The following FTO variants were observed in gnomAD, a reference collection of about 807,000 sequenced individuals.
FTO encodes the protein FTO alpha-ketoglutarate dependent dioxygenase.
Under a neutral mutation model 63.9 loss-of-function variants are expected in FTO, and 47 were observed. The observed-to-expected ratio is 0.74, with a 90% confidence interval of 0.58 to 0.94. The LOEUF (loss-of-function observed/expected upper bound fraction) is 0.94, where lower values mean the gene tolerates loss of function less well. FTO is among the 40% of genes least tolerant of loss of function. FTO has a pLI of 0.00. For synonymous variants in FTO, 207 were observed against 224.4 expected (o/e 0.92, Z 0.69); for missense variants, 562 against 618.1 (o/e 0.91, Z 0.96).
chr16:53,712,949 T>G (rs527818858), intron 1 of FTO, among the ~76,000 whole-genome samples: 67 of 152,192 alleles, frequency 4.4e-4, no homozygotes, highest in Admixed American at 1.9e-3. Flanking sequence ...GATCATGTTT[T>G]TTTTTTTTTT....
intron 8 of FTO, among the ~76,000 whole-genome samples, chr16:54,086,031 A>G (rs2086248059): frequency 1.3e-5 from 2 of 152,212 alleles, no homozygotes; most frequent in Non-Finnish European, 2.9e-5. Flanking sequence ...CCTTTGCAAA[A>G]TAACAACAAC....
chr16:53,947,235 C>A (rs756194324), intron 8 of FTO, among the ~76,000 whole-genome samples: 1 of 152,184 alleles, frequency 6.6e-6, no homozygotes, highest in Non-Finnish European at 1.5e-5. Context: ...AGACAAGTAC[C>A]TTCTGCCAAT....
At chr16:54,000,023 G>T (rs2084032335) in intron 8 of FTO, 1 of 152,140 alleles carries the variant, frequency 6.6e-6, no homozygotes, top group Non-Finnish European at 1.5e-5. Context: ...AAAGGATCCA[G>T]CATGCAGCCT....
At chr16:53,750,336 C>T (rs1055137997) in intron 1 of FTO, among the ~76,000 whole-genome samples, 1 of 151,838 alleles carries the variant, frequency 6.6e-6, no homozygotes, top group Non-Finnish European at 1.5e-5. Context: ...CTCCCAGGTT[C>T]AAGCAATTCT....
chr16:53,760,232 G>C (rs1334881058), intron 1 of FTO, among the ~76,000 whole-genome samples: 1 of 16,850 alleles, frequency 5.9e-5, no homozygotes, highest in Non-Finnish European at 1.2e-4. Flanking sequence ...GTGTGTGTGT[G>C]TGTGTGTGTG....
chr16:53,943,054 A>G (rs1359861284), intron 8 of FTO, among the ~76,000 whole-genome samples: 1 of 152,154 alleles, frequency 6.6e-6, no homozygotes, highest in East Asian at 1.9e-4. Context: ...CTTCGCTTTT[A>G]ATAATTACAG....
At chr16:53,988,910 A>C (rs984079759) in intron 8 of FTO, among the ~76,000 whole-genome samples, 3 of 152,136 alleles carry the variant, frequency 2.0e-5, no homozygotes, top group East Asian at 3.9e-4. Flanking sequence ...AAAGAATCTT[A>C]AAATATGCTT....
intron 8 of FTO, among the ~76,000 whole-genome samples, chr16:54,048,126 T>TAAAAAAAAAAAAAAAAAAAAAAAA (rs71380060): frequency 1.8e-5 from 1 of 56,468 alleles, no homozygotes; most frequent in Non-Finnish European, 3.0e-5. Flanking sequence ...AAAAAAAAAT[T>TAAAAAAAAAAAAAAAAAAAAAAAA]AAAAAAAAAA....
intron 8 of FTO, among the ~76,000 whole-genome samples, chr16:53,939,480 A>G (rs138865053): frequency 4.1e-4 from 63 of 152,300 alleles, no homozygotes; most frequent in African/African-American, 1.4e-3. Flanking sequence ...ATATAACAAA[A>G]TTTATCGTTT....
intron 1 of FTO, among the ~76,000 whole-genome samples, chr16:53,716,756 C>A (rs1052032787): frequency 2.6e-5 from 4 of 151,192 alleles, no homozygotes; most frequent in African/African-American, 9.7e-5. Flanking sequence ...TTTCTGATTA[C>A]ATAATAATTT....
At chr16:53,973,812 A>C (rs546985798) in intron 8 of FTO, among the ~76,000 whole-genome samples, 2 of 152,348 alleles carry the variant, frequency 1.3e-5, no homozygotes, top group East Asian at 3.9e-4. Flanking sequence ...ATGGGCATAT[A>C]CATTTTTCAA....
intron 7 of FTO, among the ~76,000 whole-genome samples, chr16:53,929,235 T>C (rs2082223010): frequency 6.6e-6 from 1 of 152,216 alleles, no homozygotes; most frequent in Non-Finnish European, 1.5e-5. Context: ...TGCTGCGTCT[T>C]GCCCAACCGA....
At chr16:53,982,077 T>TA (rs1229388144) in intron 8 of FTO, among the ~76,000 whole-genome samples, 388 of 144,882 alleles carry the variant, frequency 2.7e-3, no homozygotes, top group African/African-American at 7.6e-3. Flanking sequence ...GAGACTCTGT[T>TA]AAAAAAAAAA....
At chr16:53,843,214 C>A (rs572304282) in intron 3 of FTO, among the ~76,000 whole-genome samples, 1 of 152,084 alleles carries the variant, frequency 6.6e-6, no homozygotes, top group Non-Finnish European at 1.5e-5. Flanking sequence ...ATTTTACAAC[C>A]CCTGAATGTA....
chr16:53,846,299 T>C (rs879927885), intron 4 of FTO, among the ~76,000 whole-genome samples: 3 of 152,202 alleles, frequency 2.0e-5, no homozygotes, highest in Non-Finnish European at 2.9e-5. Context: ...TACCCCATCA[T>C]TGAGTGTCAT....
intron 7 of FTO, among the ~76,000 whole-genome samples, chr16:53,929,104 A>G (rs1448206601): frequency 2.6e-5 from 4 of 152,136 alleles, no homozygotes; most frequent in Admixed American, 1.3e-4. Flanking sequence ...CGGCCTCCCA[A>G]AGTGCTGGGA....
rs73623528 is a variant in FTO, at chr16:54,079,530, A to C, written c.1365-32232A>C. Among the ~76,000 whole-genome samples, 957 of 152,310 alleles carry C rather than the reference A, an allele frequency of 6.3e-3. 15 individuals are homozygous for C. Among genetic ancestry groups the C allele is most frequent in the African/African-American group, 0.021 (882 of 41,580 alleles). Reference sequence around the variant, plus strand: ...CCAAGTAATTGCTGCGGGATTGGGAAACGCATGAGACTATGGTAAAGCAGC... The same window carrying C: ...CCAAGTAATTGCTGCGGGATTGGGACACGCATGAGACTATGGTAAAGCAGC... On this transcript the variant is annotated intron_variant, in intron 8 of 8. Coordinates refer to ENST00000471389, the MANE Select transcript of FTO (RefSeq NM_001080432.3).
chr16:53,709,904 A>G (rs1047862700), intron 1 of FTO, among the ~76,000 whole-genome samples: 9 of 152,180 alleles, frequency 5.9e-5, no homozygotes, highest in African/African-American at 1.9e-4. Flanking sequence ...AACACAATCA[A>G]TTGTTAATTT....
In FTO at chr16:53,835,045, A is replaced by G. The variant is rs140318682; in HGVS notation, c.751+8554A>G. Reference sequence around the variant, plus strand: ...TCTTTTCAACTTTTTTCTTGCATTAATGGTAGTCTTGCTTTTTGTGTATTT... The same window carrying G: ...TCTTTTCAACTTTTTTCTTGCATTAGTGGTAGTCTTGCTTTTTGTGTATTT... On this transcript the variant is annotated intron_variant, in intron 3 of 8. Transcript: ENST00000471389. 2.6e-4 allele frequency among the ~76,000 whole-genome samples: 40 copies of G among 152,286 alleles called. 1 individual carries two copies. The East Asian group carries it at 5.4e-3, about 21-fold the overall frequency.
Sources: allele counts gnomAD v4.1 joint callset (sites outside exome capture counted in the v4.1 genomes callset), GRCh38; gene constraint gnomAD v4.1.1; transcripts MANE v1.5; gene names NCBI Gene and HGNC (gene_info 2026-07-23, HGNC 2026-07-21).